The following CCPG1 variants were observed in gnomAD, a reference collection of about 807,000 sequenced individuals.
CCPG1 encodes the protein cell cycle progression protein 1.
A neutral mutation model predicts 81.3 loss-of-function variants in CCPG1; 46 were observed. That is an observed-to-expected ratio of 0.57 (90% CI 0.45 to 0.72). CCPG1 has a LOEUF of 0.72. Ranked by LOEUF, CCPG1 falls within the 30% of genes least tolerant of loss-of-function variation. The pLI, the probability that CCPG1 is intolerant of heterozygous loss-of-function variation, is 0.00. For missense variants in CCPG1, 902 were observed against 937.6 expected (o/e 0.96, Z 0.50); for synonymous variants, 330 against 305.2 (o/e 1.08, Z -0.85).
At chr15:55,370,600 G>C (rs2056425990) in intron 6 of CCPG1, among the ~76,000 whole-genome samples, 1 of 152,194 alleles carries the variant, frequency 6.6e-6, no homozygotes, top group Non-Finnish European at 1.5e-5. Flanking sequence ...AGACTGGCTG[G>C]GTGCGGTGGC....
At chr15:55,357,067 C>A in intron 8 of CCPG1, 4 of 985,426 alleles carry the variant, frequency 4.1e-6, no homozygotes, top group Non-Finnish European at 4.8e-6. Flanking sequence ...TGTTGGTGTT[C>A]TCCCAGGAGT....
At chr15:55,393,898 A>G (rs974982188) in intron 1 of CCPG1, among the ~76,000 whole-genome samples, 2 of 152,144 alleles carry the variant, frequency 1.3e-5, no homozygotes, top group Non-Finnish European at 2.9e-5. Flanking sequence ...ACCCCCACAA[A>G]TTCTATAACG....
intron 1 of CCPG1, among the ~76,000 whole-genome samples, chr15:55,405,585 C>T (rs1012222499): frequency 2.6e-5 from 4 of 152,134 alleles, no homozygotes; most frequent in Non-Finnish European, 4.4e-5. Context: ...TGACATGTGC[C>T]TGTAGCCCCA....
intron 1 of CCPG1, among the ~76,000 whole-genome samples, chr15:55,392,805 T>C (rs1034587663): frequency 3.1e-4 from 47 of 152,150 alleles, no homozygotes; most frequent in African/African-American, 1.1e-3. Flanking sequence ...GCATAAGCGG[T>C]TGTATCTGGT....
rs747388873 is a variant in CCPG1 at position 55,385,637 on chromosome 15, C to T, written c.138G>A (p.Glu46=). The T allele has an allele frequency of 1.2e-6, 2 of 1,610,680 alleles. No individual in the cohort carries two copies. Among genetic ancestry groups the T allele is most frequent in the African/African-American group, 2.7e-5 (2 of 74,724 alleles). Residue 46 remains glutamate, a synonymous_variant, in exon 3 of 9, where the codon GAG becomes GAA. Transcript: ENST00000442196. ...CEPAPECSSL[E]QEELQALQIE... is the part of the protein sequence containing the mutation. ...TCTGCAATGCTTGAAGCTCCTCTTG[C>T]TCTAAAGATGAACATTCTGGGGCGG...
At chr15:55,376,811 A>T (rs1281275350) in intron 5 of CCPG1, 138 bp downstream of exon 5, 1 of 640,856 alleles carries the variant, frequency 1.6e-6, no homozygotes, top group African/African-American at 1.8e-5. Context: ...AATAGATTTC[A>T]CACACAAAAA....
intron 5 of CCPG1, among the ~76,000 whole-genome samples, chr15:55,376,571 T>A (rs572411794): frequency 6.6e-6 from 1 of 152,302 alleles, no homozygotes; most frequent in Admixed American, 6.5e-5. Context: ...AATAACAATT[T>A]TTTTCACTAT....
chr15:55,367,446 G>C (rs2056353253), intron 6 of CCPG1, among the ~76,000 whole-genome samples: 1 of 152,072 alleles, frequency 6.6e-6, no homozygotes, highest in African/African-American at 2.4e-5. Flanking sequence ...TTATCCTCAA[G>C]ATACAATCTT....
At chr15:55,372,294 T>G (rs1372586223) in intron 5 of CCPG1, 1 of 520,702 alleles carries the variant, frequency 1.9e-6, no homozygotes. Context: ...AGAGCCTATC[T>G]CTGTTTTTTT....
At chr15:55,363,650 C>A (rs2056253481) in intron 7 of CCPG1, among the ~76,000 whole-genome samples, 1 of 150,366 alleles carries the variant, frequency 6.7e-6, no homozygotes, top group Admixed American at 6.6e-5. Context: ...GGGAGAAGTA[C>A]CTCCCTGAAA....
rs1247609413 is a variant in CCPG1, at chr15:55,372,940, A to T, written c.455-896T>A. On this transcript the variant is annotated intron_variant, in intron 5 of 8. Transcript: ENST00000442196. ...TTTAACATAGGTTTCCAGAAGTCAG[A>T]TGAGCCCTTCCCTTCGACTGCCACT... The T allele has an allele frequency of 5.6e-6, 3 of 534,746 alleles. No individual in the cohort carries two copies. In the Admixed American group the frequency reaches 5.8e-5, roughly 10 times the overall value. 33.1% of individuals were successfully genotyped at this position (534,746 alleles called of 1,614,324 possible). A position where few individuals can be genotyped will look rare whatever the true frequency, so the allele number is the denominator to read the frequency against.
chr15:55,372,269 C>A, intron 5 of CCPG1: 1 of 567,740 alleles, frequency 1.8e-6, no homozygotes, highest in Non-Finnish European at 3.1e-6. Flanking sequence ...GTTAATCATA[C>A]TATTTGGTGC....
intron 5 of CCPG1, chr15:55,372,821 G>A: frequency 3.8e-5 from 15 of 398,302 alleles, no homozygotes; most frequent in South Asian, 3.0e-4. Flanking sequence ...GACTTATAAA[G>A]TAAAATAACT....
rs771013009 is a variant in CCPG1, at chr15:55,360,977, T to C, written c.829-33A>G. ...TTTTTTTGAAAGAGAAGAAATAAAA[T>C]GTCAAATGCTTTAAAAGCTGAATTT... On this transcript the variant is annotated intron_variant, in intron 7 of 8. Transcript: ENST00000442196. 5.4e-6 allele frequency: 8 copies of C among 1,474,082 alleles called. No individual in the cohort carries two copies. In the South Asian group the frequency reaches 1.0e-4, roughly 18 times the overall value. The allele number at this position is 1,474,082 out of a possible 1,614,324, so 91.3% of individuals were successfully genotyped here.
chr15:55,389,526 A>G, intron 1 of CCPG1, 93 bp from the exon 2 acceptor site: 1 of 842,242 alleles, frequency 1.2e-6, no homozygotes, highest in Middle Eastern at 2.2e-4. Flanking sequence ...AAAGTGGTTT[A>G]CTGTCTTCCA....
At chr15:55,396,456 T>C (rs2057019244) in intron 1 of CCPG1, among the ~76,000 whole-genome samples, 1 of 152,248 alleles carries the variant, frequency 6.6e-6, no homozygotes, top group Admixed American at 6.5e-5. Flanking sequence ...TTGCTTTTGA[T>C]GTCCCCTTGC....
At position 55,356,056 on chromosome 15, in the gene CCPG1, C is replaced by T. The variant is rs2056072071; in HGVS notation, c.*164G>A. 3.3e-6 allele frequency: 2 copies of T among 601,162 alleles called. No homozygotes were observed. Among genetic ancestry groups the T allele is most frequent in the South Asian group, 2.5e-5 (1 of 40,212 alleles). 37.2% of individuals were successfully genotyped at this position (601,162 alleles called of 1,614,324 possible). On this transcript the variant is annotated 3_prime_UTR_variant, in exon 9 of 9. Coordinates refer to ENST00000442196, the MANE Select transcript of CCPG1 (RefSeq NM_001204450.2). ...CTACAGGAAAATGCAGGTTAGTAGA[C>T]TTTTAACTAATGCTTCTGAGGAATA...
Position 55,359,838 on chromosome 15 carries a change from G to A in CCPG1, c.1935C>T (p.Asn645=), listed in dbSNP as rs2056153904. Residue 645 remains asparagine (N), a synonymous_variant, in exon 8 of 9, where the codon AAC becomes AAT. Coordinates refer to ENST00000442196, the MANE Select transcript of CCPG1 (RefSeq NM_001204450.2). ...CCATCCTTATAGGATTCACCACTGT[G>A]TTAAAAAGGCTCATGGACTCTTGTT... The part of the protein sequence containing the change: ...CAQQESMSLF[N]TVVNPIRMDE... 1 of 1,613,496 alleles carries A rather than the reference G, an allele frequency of 6.2e-7. No individual in the cohort carries two copies.
intron 5 of CCPG1, among the ~76,000 whole-genome samples, chr15:55,376,150 T>TTTTTAGTG (rs2141279484): frequency 6.6e-6 from 1 of 152,328 alleles, no homozygotes; most frequent in Non-Finnish European, 1.5e-5. Flanking sequence ...AATTAGGAAA[T>TTTTTAGTG]TTTTAGAATC....
Sources: allele counts gnomAD v4.1 joint callset (sites outside exome capture counted in the v4.1 genomes callset), GRCh38; gene constraint gnomAD v4.1.1; transcripts MANE v1.5; gene names NCBI Gene and HGNC (gene_info 2026-07-23, HGNC 2026-07-21).